The following RGS7 variants were observed in gnomAD, a reference collection of about 807,000 sequenced individuals.
The protein encoded by RGS7 is regulator of G protein signaling 7.
Under a neutral mutation model 81.1 loss-of-function variants are expected in RGS7, and 27 were observed. The observed-to-expected ratio is 0.33, with a 90% confidence interval of 0.25 to 0.46. The LOEUF (loss-of-function observed/expected upper bound fraction) is 0.46. Among genes scored for constraint, RGS7 ranks in the 20% least tolerant of loss-of-function variants. The pLI is 1.00. For synonymous variants in RGS7, 208 were observed against 207.7 expected (o/e 1.00, Z -0.01); for missense variants, 396 against 607.4 (o/e 0.65, Z 3.66).
intron 9 of RGS7, among the ~76,000 whole-genome samples, chr1:240,840,145 T>C (rs755723752): frequency 4.6e-5 from 7 of 152,162 alleles, no homozygotes; most frequent in Non-Finnish European, 1.0e-4. Flanking sequence ...CTCCACACAG[T>C]AGCCAGAGTC....
At chr1:241,099,148 G>C (rs2064522655) in intron 2 of RGS7, among the ~76,000 whole-genome samples, 1 of 152,166 alleles carries the variant, frequency 6.6e-6, no homozygotes, top group African/African-American at 2.4e-5. Context: ...AAAGCAAGTA[G>C]AGCCTTAAAA....
At chr1:241,276,500 A>C (rs2078201644) in intron 2 of RGS7, among the ~76,000 whole-genome samples, 1 of 152,232 alleles carries the variant, frequency 6.6e-6, no homozygotes, top group African/African-American at 2.4e-5. Context: ...TCCAATTCTC[A>C]ATTCCCTGTC....
At chr1:241,302,549 A>AAAAC (rs898972958) in intron 2 of RGS7, among the ~76,000 whole-genome samples, 33 of 152,160 alleles carry the variant, frequency 2.2e-4, no homozygotes, top group African/African-American at 5.8e-4. Context: ...ACTCTGTCTC[A>AAAAC]AAACAAACAA....
intron 18 of RGS7, among the ~76,000 whole-genome samples, chr1:240,781,423 T>C (rs149576749): frequency 3.4e-4 from 51 of 152,176 alleles, no homozygotes; most frequent in African/African-American, 1.2e-3. Flanking sequence ...CTGGCCAACA[T>C]GGTGAAACCC....
chr1:241,007,577 C>A (rs2058737718), intron 3 of RGS7, among the ~76,000 whole-genome samples: 1 of 152,066 alleles, frequency 6.6e-6, no homozygotes, highest in Admixed American at 6.5e-5. Context: ...AGAGTCAAAA[C>A]CCTTTTTCTG....
chr1:241,077,475 T>A (rs2062866755), intron 3 of RGS7, among the ~76,000 whole-genome samples: 1 of 152,196 alleles, frequency 6.6e-6, no homozygotes, highest in African/African-American at 2.4e-5. Flanking sequence ...CTGGCCTGGG[T>A]TCTGGGAACA....
chr1:240,940,651 T>C (rs1258476317), intron 4 of RGS7, among the ~76,000 whole-genome samples: 1 of 152,136 alleles, frequency 6.6e-6, no homozygotes, highest in Non-Finnish European at 1.5e-5. Context: ...CCCAGGAAGA[T>C]AGACAGTAAG....
chr1:241,118,719 G>C (rs1326255416), intron 2 of RGS7, among the ~76,000 whole-genome samples: 3 of 152,224 alleles, frequency 2.0e-5, no homozygotes, highest in African/African-American at 7.2e-5. Flanking sequence ...TCTTAAAAAA[G>C]AATGAAATTA....
intron 3 of RGS7, among the ~76,000 whole-genome samples, chr1:241,036,450 G>A (rs2060330895): frequency 6.6e-6 from 1 of 152,190 alleles, no homozygotes; most frequent in Admixed American, 6.5e-5. Flanking sequence ...GGCTGCAGTT[G>A]TTGGTTGCTT....
At chr1:241,157,638 T>C (rs1432554958) in intron 2 of RGS7, among the ~76,000 whole-genome samples, 1 of 152,154 alleles carries the variant, frequency 6.6e-6, no homozygotes, top group African/African-American at 2.4e-5. Flanking sequence ...CAGCAAACAC[T>C]GACCATGGCT....
At chr1:241,128,760 A>G (rs978027088) in intron 2 of RGS7, among the ~76,000 whole-genome samples, 1 of 140,416 alleles carries the variant, frequency 7.1e-6, no homozygotes, top group Non-Finnish European at 1.5e-5. Flanking sequence ...TGCTATTTGG[A>G]CATGCAGAAT....
At chr1:241,332,116 T>C (rs1244693665) in intron 2 of RGS7, among the ~76,000 whole-genome samples, 1 of 152,176 alleles carries the variant, frequency 6.6e-6, no homozygotes, top group African/African-American at 2.4e-5. Flanking sequence ...CCGTGTAGTT[T>C]TTAAAAGTAA....
At chr1:241,086,063 T>A (rs2063422534) in intron 3 of RGS7, among the ~76,000 whole-genome samples, 1 of 152,192 alleles carries the variant, frequency 6.6e-6, no homozygotes, top group South Asian at 2.1e-4. Context: ...AGGCCCATCA[T>A]CTTTAGCGAC....
intron 3 of RGS7, among the ~76,000 whole-genome samples, chr1:241,079,820 C>T (rs1307274899): frequency 1.3e-5 from 2 of 150,488 alleles, no homozygotes; most frequent in African/African-American, 4.9e-5. Flanking sequence ...CCCACCCTCA[C>T]CCCATAGGCT....
chr1:241,350,128 C>T (rs895236669), intron 2 of RGS7, among the ~76,000 whole-genome samples: 5 of 152,160 alleles, frequency 3.3e-5, no homozygotes, highest in Admixed American at 6.5e-5. Context: ...AAGAGCTCAA[C>T]CCTGGAAGAC....
chr1:241,006,585 G>A (rs1174935740), intron 3 of RGS7, among the ~76,000 whole-genome samples: 1 of 152,186 alleles, frequency 6.6e-6, no homozygotes, highest in African/African-American at 2.4e-5. Flanking sequence ...AACAGATCCT[G>A]ATTTAGTTTG....
chr1:241,257,278 TC>T (rs2077099464), intron 2 of RGS7, among the ~76,000 whole-genome samples: 2 of 151,852 alleles, frequency 1.3e-5, no homozygotes, highest in African/African-American at 2.4e-5. Flanking sequence ...TCTGACAGAG[TC>T]CCCCAAACCC....
At chr1:241,196,638 GC>G (rs1358737974) in intron 2 of RGS7, among the ~76,000 whole-genome samples, 1 of 152,020 alleles carries the variant, frequency 6.6e-6, no homozygotes, top group Non-Finnish European at 1.5e-5. Flanking sequence ...ATTTGGCGAT[GC>G]AGAAAGGAAT....
intron 2 of RGS7, among the ~76,000 whole-genome samples, chr1:241,343,777 T>C (rs770403911): frequency 2.0e-5 from 3 of 152,296 alleles, no homozygotes; most frequent in Middle Eastern, 3.4e-3. Context: ...ATGGTGATAA[T>C]GGTCGCACAA....
Sources: gnomAD v4.1 joint callset for allele counts (sites outside exome capture counted in the v4.1 genomes callset) on GRCh38, gnomAD v4.1.1 for gene constraint, MANE v1.5 for transcripts, NCBI Gene and HGNC (gene_info 2026-07-23, HGNC 2026-07-21) for gene names.